Variants in TCF4 observed in about 807,000 individuals in gnomAD.
TCF4 encodes the protein SL3-3 enhancer factor 2.
A neutral mutation model predicts 82.1 loss-of-function variants in TCF4; 3 were observed. That is an observed-to-expected ratio of 0.04 (90% CI 0.02 to 0.09). The LOEUF is 0.09. TCF4 is among the 10% of genes least tolerant of loss of function. The pLI is 1.00. For synonymous variants in TCF4, 276 were observed against 309.6 expected, an observed-to-expected ratio of 0.89 and a Z score of 1.14; for missense variants, 518 against 852.7, an observed-to-expected ratio of 0.61 and a Z score of 4.89.
intron 6 of TCF4, among the ~76,000 whole-genome samples, chr18:55,365,520 A>T (rs764504478): frequency 2.6e-5 from 4 of 151,802 alleles, no homozygotes; most frequent in Non-Finnish European, 4.4e-5. Context: ...CAGCTCCCTA[A>T]TGCTCTCCCC....
chr18:55,506,759 G>A (rs575517659), intron 3 of TCF4, among the ~76,000 whole-genome samples: 7 of 152,162 alleles, frequency 4.6e-5, no homozygotes, highest in African/African-American at 1.7e-4. Context: ...CTATGATAAA[G>A]TTAGTTCATA....
chr18:55,269,750 T>A, intron 11 of TCF4, 81 bp downstream of exon 11: 1 of 1,574,220 alleles, frequency 6.4e-7, no homozygotes, highest in Admixed American at 1.7e-5. Flanking sequence ...GCTATTCAGT[T>A]ATGAAAGGGA....
chr18:55,456,084 T>C (rs1424134978), intron 5 of TCF4, among the ~76,000 whole-genome samples: 1 of 152,230 alleles, frequency 6.6e-6, no homozygotes, highest in African/African-American at 2.4e-5. Context: ...ATAAACACTC[T>C]GAAGTAATAC....
intron 8 of TCF4, among the ~76,000 whole-genome samples, chr18:55,329,658 C>T (rs1406101780): frequency 6.6e-6 from 1 of 152,152 alleles, no homozygotes; most frequent in Non-Finnish European, 1.5e-5. Flanking sequence ...AGAAAAAGTA[C>T]TGTGGCAGTA....
At chr18:55,611,153 T>C (rs994458941) in intron 2 of TCF4, among the ~76,000 whole-genome samples, 3 of 152,154 alleles carry the variant, frequency 2.0e-5, no homozygotes, top group African/African-American at 7.2e-5. Flanking sequence ...CTTGCTTTGG[T>C]AATAGTTGCA....
chr18:55,425,373 C>T (rs2094934437), intron 5 of TCF4, among the ~76,000 whole-genome samples: 1 of 149,208 alleles, frequency 6.7e-6, no homozygotes. Flanking sequence ...TTTGAGGATT[C>T]AGTATGCTTC....
chr18:55,575,778 C>T (rs1294979550), intron 3 of TCF4, among the ~76,000 whole-genome samples: 3 of 152,066 alleles, frequency 2.0e-5, no homozygotes, highest in East Asian at 1.9e-4. Context: ...TACACACACA[C>T]GTGTATTTTT....
intron 3 of TCF4, among the ~76,000 whole-genome samples, chr18:55,490,175 T>C (rs1003130915): frequency 1.3e-5 from 2 of 152,184 alleles, no homozygotes; most frequent in African/African-American, 4.8e-5. Flanking sequence ...ATAAGAGTTG[T>C]GTGAAGTCTT....
At chr18:55,497,826 T>C (rs991667408) in intron 3 of TCF4, among the ~76,000 whole-genome samples, 3 of 152,032 alleles carry the variant, frequency 2.0e-5, no homozygotes, top group African/African-American at 7.2e-5. Flanking sequence ...CTTTAAAGTA[T>C]CCATTAACTA....
intron 3 of TCF4, among the ~76,000 whole-genome samples, chr18:55,484,486 C>T (rs1260957042): frequency 6.6e-6 from 1 of 152,324 alleles, no homozygotes; most frequent in Non-Finnish European, 1.5e-5. Flanking sequence ...AACAATTCAC[C>T]TATGAAGAAA....
At chr18:55,257,483 G>T in intron 13 of TCF4, 92 bp from the exon 14 acceptor site, 1 of 1,217,990 alleles carries the variant, frequency 8.2e-7, no homozygotes, top group Non-Finnish European at 1.2e-6. Flanking sequence ...AATGGCAATG[G>T]CAATGATGAT....
At chr18:55,619,881 T>C (rs527991344) in intron 2 of TCF4, among the ~76,000 whole-genome samples, 2 of 152,244 alleles carry the variant, frequency 1.3e-5, no homozygotes, top group East Asian at 3.9e-4. Flanking sequence ...TGGAAACTGT[T>C]TGATCCTGGA....
chr18:55,589,126 C>T (rs1324227767), upstream of TCF4, among the ~76,000 whole-genome samples: 1 of 151,928 alleles, frequency 6.6e-6, no homozygotes, highest in Non-Finnish European at 1.5e-5. Context: ...TCTACAAATC[C>T]TGGTATTGCT....
chr18:55,464,697 G>T (rs1032961925), intron 3 of TCF4, among the ~76,000 whole-genome samples: 3 of 151,930 alleles, frequency 2.0e-5, no homozygotes, highest in Admixed American at 2.0e-4. Context: ...TTTTTTTTAG[G>T]TTAAGACAAT....
chr18:55,255,810 T>C (rs1033046914), intron 14 of TCF4, among the ~76,000 whole-genome samples: 8 of 152,204 alleles, frequency 5.3e-5, no homozygotes, highest in African/African-American at 1.7e-4. Context: ...ATTTTAAATC[T>C]AGTGACTCTT....
intron 12 of TCF4, among the ~76,000 whole-genome samples, chr18:55,260,881 A>G (rs138805252): frequency 1.3e-3 from 201 of 152,200 alleles, no homozygotes; most frequent in Admixed American, 7.8e-3. Context: ...TTTCTAAATG[A>G]CCATGTTTAG....
At chr18:55,257,223 G>A in intron 14 of TCF4, 92 bp downstream of exon 14, 1 of 1,353,068 alleles carries the variant, frequency 7.4e-7, no homozygotes, top group Non-Finnish European at 1.1e-6. Flanking sequence ...TTACTAACAG[G>A]GAAAATCAAA....
chr18:55,401,845 C>A (rs1350772620), intron 6 of TCF4: 2 of 943,210 alleles, frequency 2.1e-6, no homozygotes, highest in East Asian at 1.2e-4. Context: ...AGGGGCCCAG[C>A]GAAAACAGAG....
At chr18:55,493,548 T>C (rs1203879490) in intron 3 of TCF4, among the ~76,000 whole-genome samples, 3 of 152,130 alleles carry the variant, frequency 2.0e-5, no homozygotes, top group African/African-American at 7.2e-5. Flanking sequence ...TTATATGAAA[T>C]ACATTAAAAG....
Sources: gnomAD v4.1 joint callset for allele counts (sites outside exome capture counted in the v4.1 genomes callset) on GRCh38, gnomAD v4.1.1 for gene constraint, MANE v1.5 for transcripts, NCBI Gene and HGNC (gene_info 2026-07-23, HGNC 2026-07-21) for gene names.